PRKAR2A: variants seen among roughly 807,000 people sequenced by gnomAD.
The protein encoded by PRKAR2A is protein kinase cAMP-dependent type II regulatory subunit alpha, also known as cAMP-dependent protein kinase type II-alpha regulatory subunit.
Under a neutral mutation model 51.9 loss-of-function variants are expected in PRKAR2A, and 29 were observed. The ratio of observed to expected loss-of-function variants is 0.56; its 90% CI spans 0.42 to 0.76. The LOEUF (loss-of-function observed/expected upper bound fraction) is 0.76. Among genes scored for constraint, PRKAR2A ranks in the 30% least tolerant of loss-of-function variants. The pLI is 0.00. For synonymous variants in PRKAR2A, 178 were observed against 186.2 expected (o/e 0.96, Z 0.36); for missense variants, 445 against 512.1 (o/e 0.87, Z 1.26).
At chr3:48,800,468 G>A (rs189798166) in intron 2 of PRKAR2A, among the ~76,000 whole-genome samples, 72 of 150,392 alleles carry the variant, frequency 4.8e-4, no homozygotes, top group Admixed American at 2.6e-3. Context: ...AGCCAAGATC[G>A]TGCCACTGAC....
intron 2 of PRKAR2A, among the ~76,000 whole-genome samples, chr3:48,799,810 G>C (rs535566973): frequency 1.3e-5 from 2 of 152,062 alleles, no homozygotes; most frequent in African/African-American, 4.8e-5. Context: ...TTGATGTTTC[G>C]ACATGTATTT....
chr3:48,753,905 T>TC (rs1381926511), intron 9 of PRKAR2A, among the ~76,000 whole-genome samples: 42 of 150,162 alleles, frequency 2.8e-4, no homozygotes, highest in African/African-American at 9.8e-4. Flanking sequence ...GTTTTCTTTT[T>TC]TTTTTTTTTT....
intron 1 of PRKAR2A, among the ~76,000 whole-genome samples, chr3:48,822,506 A>G (rs1411025116): frequency 6.6e-6 from 1 of 152,212 alleles, no homozygotes; most frequent in African/African-American, 2.4e-5. Context: ...CCAAAAGAAA[A>G]AAATTATACT....
chr3:48,828,304 A>T (rs756967932), intron 1 of PRKAR2A, among the ~76,000 whole-genome samples: 1 of 152,092 alleles, frequency 6.6e-6, no homozygotes. Flanking sequence ...GGCTCAAGCA[A>T]TTCTCTTGCT....
At chr3:48,775,438 AAAACAAACAAAC>A (rs536713204) in intron 5 of PRKAR2A, among the ~76,000 whole-genome samples, 1 of 151,398 alleles carries the variant, frequency 6.6e-6, no homozygotes, top group South Asian at 2.1e-4. Context: ...GCTCTGTCTC[AAAACAAACAAAC>A]AAACAAACAA....
chr3:48,766,471 C>A (rs1285455855), intron 6 of PRKAR2A, among the ~76,000 whole-genome samples: 1 of 151,638 alleles, frequency 6.6e-6, no homozygotes, highest in East Asian at 1.9e-4. Context: ...GAGGCTGAGG[C>A]TGGAGAATCA....
intron 6 of PRKAR2A, among the ~76,000 whole-genome samples, chr3:48,765,724 CAA>C (rs756566818): frequency 6.6e-5 from 3 of 45,250 alleles, no homozygotes; most frequent in Non-Finnish European, 1.1e-4. Context: ...ACCCTCATTT[CAA>C]AAAAAAAAAA....
At chr3:48,797,015 T>C (rs1257808641) in intron 2 of PRKAR2A, among the ~76,000 whole-genome samples, 1 of 152,032 alleles carries the variant, frequency 6.6e-6, no homozygotes, top group African/African-American at 2.4e-5. Flanking sequence ...GGCCCTGTAT[T>C]GTTTATTAGG....
chr3:48,841,473 G>A (rs990531059), intron 1 of PRKAR2A, among the ~76,000 whole-genome samples: 1 of 142,474 alleles, frequency 7.0e-6, no homozygotes, highest in African/African-American at 2.6e-5. Context: ...TGAACCAGAA[G>A]GCAGAGGTTG....
chr3:48,774,859 C>T (rs1479229418), intron 5 of PRKAR2A, among the ~76,000 whole-genome samples: 1 of 151,646 alleles, frequency 6.6e-6, no homozygotes, highest in Non-Finnish European at 1.5e-5. Flanking sequence ...CTTTCTTTGC[C>T]TTATTGCATT....
At chr3:48,776,828 G>A (rs556401114) in intron 5 of PRKAR2A, among the ~76,000 whole-genome samples, 5 of 152,184 alleles carry the variant, frequency 3.3e-5, no homozygotes, top group African/African-American at 1.2e-4. Context: ...GTGGCAGAGT[G>A]AGACTCTATC....
Position 48,847,640 on chromosome 3 carries a change from C to T in PRKAR2A, c.-44G>A, listed in dbSNP as rs770915166. 8.3e-5 allele frequency: 117 copies of T among 1,402,412 alleles called. No homozygotes were observed. Among genetic ancestry groups the T allele is most frequent in the Non-Finnish European group, 1.0e-4 (113 of 1,083,940 alleles). 86.9% of individuals were successfully genotyped at this position (1,402,412 alleles called of 1,614,324 possible). A position where few individuals can be genotyped will look rare whatever the true frequency, so the allele number is the denominator to read the frequency against. ...GATAGACGGGTTGGGCCGCCGGCGG[C>T]CACTGTCTCCGCGCTCACTCACGCC... On this transcript the variant is annotated 5_prime_UTR_variant, in exon 1 of 11. Transcript: ENST00000265563. This position sits in a 1 kb window ranked among gnomAD's most constrained non-coding sequence, Gnocchi z 4.4.
intron 6 of PRKAR2A, among the ~76,000 whole-genome samples, chr3:48,766,334 G>A (rs1280929275): frequency 6.6e-6 from 1 of 152,078 alleles, no homozygotes; most frequent in Non-Finnish European, 1.5e-5. Context: ...CTGGGAGGCT[G>A]AGTCAGACAG....
chr3:48,777,622 G>C (rs542706721), intron 5 of PRKAR2A, among the ~76,000 whole-genome samples: 1 of 152,104 alleles, frequency 6.6e-6, no homozygotes, highest in Non-Finnish European at 1.5e-5. Flanking sequence ...AGCCAGGATG[G>C]TCTCGATCTC....
At chr3:48,816,037 A>G (rs1016460384) in intron 1 of PRKAR2A, among the ~76,000 whole-genome samples, 23 of 151,596 alleles carry the variant, frequency 1.5e-4, no homozygotes, top group Middle Eastern at 3.4e-3. Flanking sequence ...AAAAAAAAAA[A>G]AAGAAGCTAG....
chr3:48,758,598 A>G (rs931474382), intron 8 of PRKAR2A, among the ~76,000 whole-genome samples: 9 of 151,728 alleles, frequency 5.9e-5, no homozygotes, highest in Admixed American at 1.3e-4. Flanking sequence ...AAAAAAAAAA[A>G]AGAGAAAAGG....
chr3:48,793,094 T>C (rs2082418162), intron 3 of PRKAR2A, among the ~76,000 whole-genome samples: 1 of 151,602 alleles, frequency 6.6e-6, no homozygotes, highest in Non-Finnish European at 1.5e-5. Context: ...TATATATACA[T>C]ACATATATAC....
At chr3:48,775,467 C>T (rs539354566) in intron 5 of PRKAR2A, among the ~76,000 whole-genome samples, 33 of 148,272 alleles carry the variant, frequency 2.2e-4, no homozygotes, top group Non-Finnish European at 3.7e-4. Context: ...ACAAACAAAA[C>T]GATACAATTA....
chr3:48,826,238 C>A (rs1393566705), intron 1 of PRKAR2A, among the ~76,000 whole-genome samples: 1 of 152,152 alleles, frequency 6.6e-6, no homozygotes, highest in Non-Finnish European at 1.5e-5. Context: ...TGCATTCCAG[C>A]CTGGGTGACA....
Sources: allele counts gnomAD v4.1 joint callset (sites outside exome capture counted in the v4.1 genomes callset), GRCh38; gene constraint gnomAD v4.1.1; non-coding constraint Gnocchi (gnomAD v3.1); transcripts MANE v1.5; gene names NCBI Gene and HGNC (gene_info 2026-07-23, HGNC 2026-07-21).